The following ELL2 variants were observed in gnomAD, a reference collection of about 807,000 sequenced individuals.
ELL2 encodes the protein elongation factor for RNA polymerase II 2.
ELL2 carries 21 observed loss-of-function variants against 72.8 expected under a neutral mutation model. That is an observed-to-expected ratio of 0.29 (90% CI 0.20 to 0.42). ELL2 has a LOEUF of 0.42. Ranked by LOEUF, ELL2 falls within the 10% of genes least tolerant of loss-of-function variation. The pLI is 1.00. For synonymous variants in ELL2, 266 were observed against 283.2 expected (o/e 0.94, Z 0.61); for missense variants, 568 against 772.8 (o/e 0.73, Z 3.14).
chr5:95,955,869 T>C (rs1314094641), intron 1 of ELL2, among the ~76,000 whole-genome samples: 3 of 151,902 alleles, frequency 2.0e-5, no homozygotes, highest in African/African-American at 7.3e-5. Flanking sequence ...GGGCTGGATC[T>C]AGTGCCGGGC....
chr5:95,907,700 A>C (rs926780742), intron 4 of ELL2, among the ~76,000 whole-genome samples: 2 of 152,234 alleles, frequency 1.3e-5, no homozygotes, highest in African/African-American at 4.8e-5. Context: ...TTATGATTCT[A>C]CAGGTGGAAT....
chr5:95,941,561 T>C (rs908645692), intron 2 of ELL2, among the ~76,000 whole-genome samples: 5 of 152,190 alleles, frequency 3.3e-5, no homozygotes, highest in African/African-American at 1.2e-4. Context: ...TGGCATAACT[T>C]GATGCCTCCT....
At chr5:95,927,785 ATATAGACATACACACACACATATG>A (rs1750440164) in intron 2 of ELL2, among the ~76,000 whole-genome samples, 1 of 105,086 alleles carries the variant, frequency 9.5e-6, no homozygotes, top group Admixed American at 8.4e-5. Flanking sequence ...ATATGTGTGT[ATATAGACATACACACACACATATG>A]TGTGTATATA....
chr5:95,905,912 A>G lies in ELL2; in HGVS notation c.741+611T>C, dbSNP rs150058902. 1.6e-3 allele frequency among the ~76,000 whole-genome samples: 244 copies of G among 152,324 alleles called. 1 individual carries two copies. The highest frequency in any genetic ancestry group is 6.2e-3 in the South Asian group (30 of 4,832). On this transcript the variant is annotated intron_variant, in intron 5 of 11. Transcript: ENST00000237853. ...GGAAGAAAAAAATATGTAGGAGGTT[A>G]TAGTCTAACAAACCACTGACTTTAA...
chr5:95,907,277 G>GATATATAT (rs748817419), intron 4 of ELL2, among the ~76,000 whole-genome samples: 2 of 119,930 alleles, frequency 1.7e-5, no homozygotes, highest in Admixed American at 8.3e-5. Flanking sequence ...ATCCGTTAGT[G>GATATATAT]ATATATATAT....
intron 10 of ELL2, among the ~76,000 whole-genome samples, chr5:95,890,657 T>G (rs1264596206): frequency 6.6e-6 from 1 of 152,218 alleles, no homozygotes; most frequent in Non-Finnish European, 1.5e-5. Context: ...CAAATCTCTG[T>G]GTATTAAGCC....
chr5:95,945,864 T>C lies in ELL2; in HGVS notation c.148-2815A>G, dbSNP rs544753332. ...CTGACCTGTAAATTCCTGCCTAATT[T>C]TTCCTTATCCTCAAAATGTGTCTTC... On this transcript the variant is annotated intron_variant, in intron 1 of 11. Transcript: ENST00000237853. Among the ~76,000 whole-genome samples, 5 of 152,294 alleles carry C rather than the reference T, an allele frequency of 3.3e-5. No individual in the cohort carries two copies. In the South Asian group the frequency reaches 1.0e-3, roughly 32 times the overall value.
rs1173610861 is a variant in ELL2, at chr5:95,887,121, C to G, written c.*1750G>C. 1.3e-5 allele frequency: 2 copies of G among 152,054 alleles called. No individual in the cohort carries two copies. The highest frequency in any genetic ancestry group is 1.3e-4 in the Admixed American group (2 of 15,250). 9.4% of individuals were successfully genotyped at this position (152,054 alleles called of 1,614,324 possible). On this transcript the variant is annotated 3_prime_UTR_variant, in exon 12 of 12. Transcript: ENST00000237853. ...GGTAAAAAAAGAGCACCAGGGATCT[C>G]AATGCTAAAAGAAACAGAATTCCTT...
chr5:95,954,596 C>CTTTTTTTTTTTTTTTTTTTT (rs1169301940), intron 1 of ELL2, among the ~76,000 whole-genome samples: 30 of 105,866 alleles, frequency 2.8e-4, no homozygotes, highest in East Asian at 5.8e-4. Flanking sequence ...TTTTTTTTTT[C>CTTTTTTTTTTTTTTTTTTTT]TTTTTTTTTT....
chr5:95,897,219 A>G (rs1321356096), intron 8 of ELL2, among the ~76,000 whole-genome samples: 1 of 152,272 alleles, frequency 6.6e-6, no homozygotes, highest in Admixed American at 6.5e-5. Flanking sequence ...AAGATGGTCA[A>G]TTAAATCTAA....
At chr5:95,889,906 C>G (rs1049752330) in intron 10 of ELL2, among the ~76,000 whole-genome samples, 9 of 133,396 alleles carry the variant, frequency 6.7e-5, no homozygotes, top group African/African-American at 2.3e-4. Context: ...AGTCAGGTGC[C>G]TGGGGGGGAT....
In ELL2 at chr5:95,919,517, A is replaced by G; in HGVS notation, c.224T>C (p.Leu75Pro). 1.3e-6 allele frequency: 2 copies of G among 1,571,700 alleles called. No homozygotes were observed. The highest frequency in any genetic ancestry group is 1.7e-6 in the Non-Finnish European group (2 of 1,165,466). ...GLVKIPKNDPLNEVHNFNFYL... is the reference protein window; with the variant it reads ...GLVKIPKNDPPNEVHNFNFYL... ...AAAGTTAAAGTTATGAACTTCATTG[A>G]GGGGATCATTTTTGGGAATTTTGAC... The change falls in exon 3 of 12, where the codon CTC becomes CCC. Residue 75 changes from leucine to proline, a missense_variant. Physicochemically the swap from Leu to Pro is moderately conservative, Grantham distance 98. Around this residue, in one of 2 missense-constraint regions of ELL2, gnomAD observed 511 missense variants for 728.4 expected, o/e 0.70. Transcript: ENST00000237853.
rs1034913329 is a variant in ELL2, at chr5:95,919,479, C to T, written c.262G>A (p.Val88Met). 4 of 1,595,686 alleles carry T rather than the reference C, an allele frequency of 2.5e-6. No individual in the cohort carries two copies. The highest frequency in any genetic ancestry group is 2.6e-6 in the Non-Finnish European group (3 of 1,174,076). ...VHNFNFYLSN[V>M]GKDNPQGSFD... ...CTGCCCTGAGGGTTGTCTTTGCCCA[C>T]ATTTGACAAATAAAAGTTAAAGTTA... The change falls in exon 3 of 12, where the codon GTG (valine) becomes ATG (methionine). Residue 88 changes from valine (V) to methionine (M), a missense_variant. By Grantham distance (21) the Val-to-Met change is conservative. This residue lies in a region of ELL2 where 511 missense variants were observed against 728.4 expected (regional missense o/e 0.70). Transcript: ENST00000237853.
At chr5:95,902,161 T>A (rs1647324554) in intron 5 of ELL2, among the ~76,000 whole-genome samples, 1 of 152,226 alleles carries the variant, frequency 6.6e-6, no homozygotes, top group African/African-American at 2.4e-5. Context: ...TGCCCAAATG[T>A]TGGGTTACAA....
intron 2 of ELL2, among the ~76,000 whole-genome samples, chr5:95,935,289 T>A (rs575361080): frequency 1.8e-4 from 27 of 152,360 alleles, no homozygotes; most frequent in Admixed American, 7.8e-4. Flanking sequence ...TTGTTGTATA[T>A]TATTCCACTA....
At chr5:95,955,555 T>G (rs141138791) in intron 1 of ELL2, among the ~76,000 whole-genome samples, 1 of 152,180 alleles carries the variant, frequency 6.6e-6, no homozygotes, top group Non-Finnish European at 1.5e-5. Context: ...AAGACAGAGA[T>G]AGCAATCCTC....
intron 2 of ELL2, among the ~76,000 whole-genome samples, chr5:95,938,922 G>T (rs915336928): frequency 5.3e-5 from 8 of 152,116 alleles, no homozygotes; most frequent in Admixed American, 5.2e-4. Flanking sequence ...ACTGCCCTGG[G>T]GAAATTACTC....
At position 95,906,736 on chromosome 5, in the gene ELL2, T is replaced by C. The variant is rs2112290212; in HGVS notation, c.528A>G (p.Thr176=). 2 of 1,613,900 alleles carry C rather than the reference T, an allele frequency of 1.2e-6. No individual in the cohort carries two copies. The highest frequency in any genetic ancestry group is 2.2e-5 in the East Asian group (1 of 44,878). ...IRKAPQAVSD[T]VPERKRSTPM... ...GGGTTGACCTTTTCCTCTCAGGAAC[T>C]GTATCTGAAACAGCTTGAGGTGCTT... Residue 176 remains threonine (T), a synonymous_variant, in exon 5 of 12, where the codon ACA becomes ACG. Coordinates refer to ENST00000237853, the MANE Select transcript of ELL2 (RefSeq NM_012081.6).
intron 7 of ELL2, 22 bp downstream of exon 7, chr5:95,900,671 T>C (rs1210047274): frequency 1.3e-6 from 2 of 1,532,720 alleles, no homozygotes; most frequent in Non-Finnish European, 1.8e-6. Flanking sequence ...GTCAGGTCTA[T>C]AATTCTATGT....
Sources: allele counts gnomAD v4.1 joint callset (sites outside exome capture counted in the v4.1 genomes callset), GRCh38; gene constraint gnomAD v4.1.1; regional missense constraint gnomAD v4.1.1; transcripts MANE v1.5; gene names NCBI Gene and HGNC (gene_info 2026-07-23, HGNC 2026-07-21).